Variants in NTRK3 observed in about 807,000 individuals in gnomAD.
NTRK3 encodes the protein neurotrophic receptor tyrosine kinase 3.
Under a neutral mutation model 91.7 loss-of-function variants are expected in NTRK3, and 24 were observed. The observed-to-expected ratio is 0.26, with a 90% CI of 0.19 to 0.37. NTRK3 has a LOEUF of 0.37. Ranked by LOEUF, NTRK3 falls within the 10% of genes least tolerant of loss-of-function variation. NTRK3 has a pLI of 1.00. For synonymous variants in NTRK3, 483 were observed against 404.0 expected (o/e 1.20, Z -2.34); for missense variants, 880 against 1,068.9 (o/e 0.82, Z 2.46).
chr15:87,961,107 T>A (rs1287347476), intron 14 of NTRK3, among the ~76,000 whole-genome samples: 2 of 152,204 alleles, frequency 1.3e-5, no homozygotes, highest in East Asian at 3.8e-4. Flanking sequence ...CAGCCTTGCA[T>A]CTGATGAGAT....
chr15:87,885,641 A>T, intron 17 of NTRK3, 53 bp downstream of exon 18: 1 of 936,854 alleles, frequency 1.1e-6, no homozygotes, highest in Non-Finnish European at 1.6e-6. Context: ...CTTAGTAATT[A>T]AAGTGTTGGG....
At chr15:87,867,449 G>T (rs139943466) in exon 19 of NTRK3, 4 of 226,260 alleles carry the variant, frequency 1.8e-5, no homozygotes, top group South Asian at 1.8e-4. Flanking sequence ...TCCTCAGTGT[G>T]GGGGGGATGT....
At chr15:87,981,057 T>C (rs775155329) in intron 14 of NTRK3, among the ~76,000 whole-genome samples, 6 of 152,126 alleles carry the variant, frequency 3.9e-5, no homozygotes, top group Non-Finnish European at 5.9e-5. Flanking sequence ...TGGAAGACAC[T>C]CCTTTAATTT....
At chr15:88,044,800 C>G (rs1238660463) in intron 13 of NTRK3, among the ~76,000 whole-genome samples, 2 of 152,196 alleles carry the variant, frequency 1.3e-5, no homozygotes, top group East Asian at 3.8e-4. Flanking sequence ...ACACTCAGCT[C>G]ACCCTGGGCT....
At chr15:87,979,832 G>A (rs544205195) in intron 14 of NTRK3, among the ~76,000 whole-genome samples, 1 of 152,266 alleles carries the variant, frequency 6.6e-6, no homozygotes, top group African/African-American at 2.4e-5. Context: ...GTCGGAGAAG[G>A]GGTATGCACT....
chr15:88,206,302 CG>C (rs1597948771), intron 3 of NTRK3, among the ~76,000 whole-genome samples: 1 of 144,582 alleles, frequency 6.9e-6, no homozygotes, highest in East Asian at 2.1e-4. Flanking sequence ...GCCGAGATCG[CG>C]CCACTGCACT....
chr15:88,060,383 CA>C (rs11289394), intron 13 of NTRK3, among the ~76,000 whole-genome samples: 29,453 of 86,232 alleles, frequency 0.34, 3,055 homozygotes, highest in Non-Finnish European at 0.39. Flanking sequence ...GACTCCATCT[CA>C]AAAAAAAAAA....
chr15:88,175,068 C>T (rs993666991), intron 5 of NTRK3, among the ~76,000 whole-genome samples: 2 of 152,222 alleles, frequency 1.3e-5, no homozygotes, highest in Non-Finnish European at 2.9e-5. Context: ...ATAGATTAGA[C>T]ACCAAGTTTC....
intron 13 of NTRK3, among the ~76,000 whole-genome samples, chr15:88,118,544 T>C (rs768964559): frequency 7.2e-5 from 11 of 152,244 alleles, no homozygotes; most frequent in South Asian, 4.1e-4. Flanking sequence ...TGAGGAAGTA[T>C]GTCACCATGA....
chr15:88,080,624 T>C (rs980668448), intron 13 of NTRK3, among the ~76,000 whole-genome samples: 5 of 152,194 alleles, frequency 3.3e-5, no homozygotes, highest in Admixed American at 1.3e-4. Context: ...GGACCAAACA[T>C]CACTTACAGG....
intron 17 of NTRK3, among the ~76,000 whole-genome samples, chr15:87,907,380 T>G (rs1415917492): frequency 6.6e-6 from 1 of 152,152 alleles, no homozygotes; most frequent in Non-Finnish European, 1.5e-5. Flanking sequence ...TTAGGAGCAG[T>G]GTCAAGAAGA....
chr15:88,213,880 G>T (rs1203359919), intron 3 of NTRK3, among the ~76,000 whole-genome samples: 1 of 151,800 alleles, frequency 6.6e-6, no homozygotes, highest in Non-Finnish European at 1.5e-5. Context: ...AGGAGTTCGA[G>T]ACCAGCCTGA....
Position 87,903,052 on chromosome 15 carries a change from G to A in NTRK3, c.2134-22624C>T, listed in dbSNP as rs3784442. Among the ~76,000 whole-genome samples the A allele has an allele frequency of 2.9e-4, 44 of 152,244 alleles. No homozygotes were observed. The East Asian group carries it at 8.3e-3, about 29-fold the overall frequency. Reference sequence around the variant, plus strand: ...TTCCTTGGAGGGCTGCATTTGCCCCGGTGCCAGGATTCTTCAGCCGGATGC... The same window carrying A: ...TTCCTTGGAGGGCTGCATTTGCCCCAGTGCCAGGATTCTTCAGCCGGATGC... On this transcript the variant is annotated intron_variant, in intron 17 of 18. Transcript: ENST00000394480.
At chr15:87,955,159 A>T (rs1159413856) in intron 14 of NTRK3, among the ~76,000 whole-genome samples, 6 of 152,220 alleles carry the variant, frequency 3.9e-5, no homozygotes, top group African/African-American at 1.4e-4. Context: ...AATAAGATTC[A>T]TTTCTGCTCT....
chr15:88,228,243 T>G (rs890145651), intron 3 of NTRK3, among the ~76,000 whole-genome samples: 2 of 152,134 alleles, frequency 1.3e-5, no homozygotes, highest in Non-Finnish European at 2.9e-5. Context: ...GCTCAAATCC[T>G]GCCACTCTGA....
At chr15:87,907,952 G>A (rs889073585) in intron 17 of NTRK3, among the ~76,000 whole-genome samples, 2 of 152,188 alleles carry the variant, frequency 1.3e-5, no homozygotes, top group Non-Finnish European at 2.9e-5. Flanking sequence ...ACCATCCTGA[G>A]CATCAGGTCT....
intron 14 of NTRK3, among the ~76,000 whole-genome samples, chr15:87,990,728 A>C (rs1371845010): frequency 1.3e-5 from 2 of 152,014 alleles, no homozygotes; most frequent in Admixed American, 6.5e-5. Flanking sequence ...CTTTGCTGTT[A>C]TATTCCCTTT....
chr15:88,013,036 T>C (rs553463217), intron 14 of NTRK3, among the ~76,000 whole-genome samples: 1 of 150,888 alleles, frequency 6.6e-6, no homozygotes, highest in South Asian at 2.1e-4. Context: ...AAAGACCCAC[T>C]ACCAGCAGCT....
rs546341534 is a variant in NTRK3, at chr15:88,237,196, C to A, written c.248+18710G>T. 6.6e-6 allele frequency among the ~76,000 whole-genome samples: 1 copy of A among 152,050 alleles called. No individual in the cohort carries two copies. Among genetic ancestry groups the A allele is most frequent in the African/African-American group, 2.4e-5 (1 of 41,382 alleles). ...GAGGATGTGATAAAGAAGTAGAGTG[C>A]CATATTAATTGCAGAGTCTAGGGCG... is the stretch of plus-strand genomic sequence containing the variant. On this transcript the variant is annotated intron_variant, in intron 3 of 18. Transcript: ENST00000394480. The surrounding 1 kb of genome is among the most constrained non-coding windows in gnomAD (Gnocchi z 4.0).
Sources: gnomAD v4.1 joint callset for allele counts (sites outside exome capture counted in the v4.1 genomes callset) on GRCh38, gnomAD v4.1.1 for gene constraint, Gnocchi (gnomAD v3.1) non-coding constraint, MANE v1.5 for transcripts, NCBI Gene and HGNC (gene_info 2026-07-23, HGNC 2026-07-21) for gene names.